Variants in PRKCQ observed in about 807,000 individuals in gnomAD.
The protein encoded by PRKCQ is protein kinase C theta.
Under a neutral mutation model 91.2 loss-of-function variants are expected in PRKCQ, and 41 were observed. That is an observed-to-expected ratio of 0.45 (90% confidence interval 0.35 to 0.58). PRKCQ has a LOEUF of 0.58. Ranked by LOEUF, PRKCQ falls within the 20% of genes least tolerant of loss-of-function variation. The probability of loss-of-function intolerance (pLI) is 0.00; values close to 1 mark genes in which losing one functional copy is unlikely to be tolerated. For missense variants in PRKCQ, 673 were observed against 896.5 expected, an observed-to-expected ratio of 0.75 and a Z score of 3.18; for synonymous variants, 307 against 316.9, an observed-to-expected ratio of 0.97 and a Z score of 0.33.
intron 8 of PRKCQ, among the ~76,000 whole-genome samples, chr10:6,488,869 C>A (rs989074267): frequency 5.9e-5 from 9 of 152,072 alleles, no homozygotes; most frequent in African/African-American, 2.2e-4. Flanking sequence ...AGCCTCAAAC[C>A]CCTGGGTTCA....
intron 7 of PRKCQ, among the ~76,000 whole-genome samples, chr10:6,495,384 T>A (rs1003412900): frequency 1.3e-5 from 2 of 152,204 alleles, no homozygotes; most frequent in Admixed American, 6.5e-5. Context: ...CTGGAACACA[T>A]TGGACTCTCC....
chr10:6,542,086 T>C (rs1167065486), intron 1 of PRKCQ, among the ~76,000 whole-genome samples: 1 of 152,238 alleles, frequency 6.6e-6, no homozygotes, highest in Non-Finnish European at 1.5e-5. Flanking sequence ...ACCCCGGCTC[T>C]AACTGTGGCC....
chr10:6,404,823 CT>C, the PRKCQ span, among the ~76,000 whole-genome samples: 1 of 131,888 alleles, frequency 7.6e-6, no homozygotes, highest in East Asian at 2.2e-4. Flanking sequence ...TTCATTCTTT[CT>C]TTCCTTCTTT....
chr10:6,432,281 C>T (rs565292308), intron 16 of PRKCQ, among the ~76,000 whole-genome samples: 5 of 152,280 alleles, frequency 3.3e-5, no homozygotes, highest in African/African-American at 1.2e-4. Context: ...TGAAATAGTG[C>T]TTCACTTGTG....
chr10:6,507,874 G>A (rs1838275393), intron 3 of PRKCQ, among the ~76,000 whole-genome samples: 1 of 152,176 alleles, frequency 6.6e-6, no homozygotes, highest in South Asian at 2.1e-4. Context: ...CTTCCTTGGG[G>A]AAAAAGCTCT....
At chr10:6,515,256 G>C (rs1447579813) in intron 1 of PRKCQ, 112 bp from the exon 2 acceptor site, 1 of 1,561,456 alleles carries the variant, frequency 6.4e-7, no homozygotes, top group Non-Finnish European at 8.6e-7. Flanking sequence ...ACCTCACATA[G>C]GTCCACTATC....
At chr10:6,515,892 C>A (rs773447788) in intron 1 of PRKCQ, among the ~76,000 whole-genome samples, 3 of 152,176 alleles carry the variant, frequency 2.0e-5, no homozygotes, top group Non-Finnish European at 4.4e-5. Context: ...GGAATCTAGT[C>A]TAATTCTTCA....
At chr10:6,530,700 C>T (rs1274672602) in intron 1 of PRKCQ, among the ~76,000 whole-genome samples, 3 of 152,242 alleles carry the variant, frequency 2.0e-5, no homozygotes, top group African/African-American at 7.2e-5. Flanking sequence ...CAGTCAGAAA[C>T]GTCGCCAGCT....
chr10:6,552,388 T>C (rs1309018501), intron 1 of PRKCQ, among the ~76,000 whole-genome samples: 1 of 152,128 alleles, frequency 6.6e-6, no homozygotes, highest in African/African-American at 2.4e-5. Flanking sequence ...CCTCCAAGAT[T>C]CAGGCTCAGT....
chr10:6,579,649 CT>C (rs5782914), intron 1 of PRKCQ, among the ~76,000 whole-genome samples: 94,609 of 131,478 alleles, frequency 0.72, 34,264 homozygotes, highest in East Asian at 0.9. Flanking sequence ...GCAGATTTTT[CT>C]TTTTTTTTTT....
intron 1 of PRKCQ, among the ~76,000 whole-genome samples, chr10:6,577,277 T>C (rs934597744): frequency 6.6e-6 from 1 of 152,204 alleles, no homozygotes; most frequent in Non-Finnish European, 1.5e-5. Flanking sequence ...GTATAAATGC[T>C]TGGCATGTTA....
At chr10:6,413,945 C>T in the PRKCQ span, among the ~76,000 whole-genome samples, 2 of 152,182 alleles carry the variant, frequency 1.3e-5, no homozygotes, top group South Asian at 2.1e-4. Flanking sequence ...CAGAAACAAC[C>T]AAAATCTAAC....
chr10:6,576,237 TCAAA>T lies in PRKCQ; in HGVS notation c.-10+3970_-10+3973del, dbSNP rs1391534031. Among the ~76,000 whole-genome samples the T allele has an allele frequency of 1.3e-5, 2 of 152,204 alleles. No homozygotes were observed. The highest frequency in any genetic ancestry group is 4.8e-5 in the African/African-American group (2 of 41,448). On this transcript the variant is annotated intron_variant, in intron 1 of 17. Coordinates refer to ENST00000263125, the MANE Select transcript of PRKCQ (RefSeq NM_006257.5). This position sits in a 1 kb window ranked among gnomAD's most constrained non-coding sequence, Gnocchi z 4.2. ...ACCCCAAAGAATTGAAAGCAGGACCTCAAACAGATATCTGCGTGTTCCTCTTCAC... is the reference window on the plus strand; with the variant it reads ...ACCCCAAAGAATTGAAAGCAGGACCTCAGATATCTGCGTGTTCCTCTTCAC...
intron 16 of PRKCQ, among the ~76,000 whole-genome samples, chr10:6,435,295 C>T (rs1177966196): frequency 1.3e-5 from 2 of 152,224 alleles, no homozygotes; most frequent in African/African-American, 4.8e-5. Flanking sequence ...CTGCTATCCT[C>T]AGCTTTTCCG....
intron 1 of PRKCQ, among the ~76,000 whole-genome samples, chr10:6,527,633 C>T (rs1228062086): frequency 1.3e-5 from 2 of 152,174 alleles, no homozygotes; most frequent in African/African-American, 4.8e-5. Context: ...AAGCCAAGTC[C>T]TGCCACCGTG....
At chr10:6,462,500 CAAGG>C (rs1835407437) in intron 13 of PRKCQ, 135 bp from the exon 14 acceptor site, 2 of 706,524 alleles carry the variant, frequency 2.8e-6, no homozygotes, top group Non-Finnish European at 4.7e-6. Context: ...TTAATCCTAA[CAAGG>C]AAGATGTTGT....
intron 1 of PRKCQ, among the ~76,000 whole-genome samples, chr10:6,534,781 TATATATATATAG>T (rs1381447476): frequency 1.4e-5 from 2 of 146,092 alleles, no homozygotes; most frequent in African/African-American, 5.1e-5. Context: ...TATCTATATA[TATATATATATAG>T]ATATATATAT....
chr10:6,508,818 C>A (rs753828795), intron 3 of PRKCQ, among the ~76,000 whole-genome samples: 21 of 152,160 alleles, frequency 1.4e-4, no homozygotes, highest in Non-Finnish European at 2.6e-4. Flanking sequence ...AAAAACAGCA[C>A]CCATAGAAAG....
At chr10:6,402,527 C>T in the PRKCQ span, among the ~76,000 whole-genome samples, 1 of 152,160 alleles carries the variant, frequency 6.6e-6, no homozygotes, top group African/African-American at 2.4e-5. Flanking sequence ...TTGGCAACTT[C>T]TCCGTGTACC....
Sources: allele counts gnomAD v4.1 joint callset (sites outside exome capture counted in the v4.1 genomes callset), GRCh38; gene constraint gnomAD v4.1.1; non-coding constraint Gnocchi (gnomAD v3.1); transcripts MANE v1.5; gene names NCBI Gene and HGNC (gene_info 2026-07-23, HGNC 2026-07-21).